The following EIF2AK2 variants were observed in gnomAD, a reference collection of about 807,000 sequenced individuals.
EIF2AK2 encodes the protein eukaryotic translation initiation factor 2 alpha kinase 2.
EIF2AK2 carries 40 observed loss-of-function variants against 70.5 expected under a neutral mutation model. That is an observed-to-expected ratio of 0.57 (90% CI 0.44 to 0.74). The LOEUF is 0.74. Among genes scored for constraint, EIF2AK2 ranks in the 30% least tolerant of loss-of-function variants. The pLI is 0.00. For synonymous variants in EIF2AK2, 198 were observed against 220.9 expected (o/e 0.90, Z 0.92); for missense variants, 555 against 644.3 (o/e 0.86, Z 1.50).
rs1042413512 is a variant in EIF2AK2, at chr2:37,115,221, T to G, written c.1249-362A>C. 38 of 190,652 alleles carry G rather than the reference T, an allele frequency of 2.0e-4. No homozygotes were observed. The Middle Eastern group carries it at 0.011, about 58-fold the overall frequency. 11.8% of individuals were successfully genotyped at this position (190,652 alleles called of 1,614,324 possible). A position where few individuals can be genotyped will look rare whatever the true frequency, so the allele number is the denominator to read the frequency against. The stretch of plus-strand genomic sequence containing the variant: ...CGCCACCATGCCCGGCTAGTTTTTT[T>G]TTTTTTTTTTTTTTTTTTTTTTAGT... On this transcript the variant is annotated intron_variant, in intron 13 of 16. Coordinates refer to ENST00000233057, the MANE Select transcript of EIF2AK2 (RefSeq NM_001135651.3).
At position 37,126,338 on chromosome 2, in the gene EIF2AK2, T is replaced by C; in HGVS notation, c.859A>G (p.Arg287Gly). Residue 287 changes from arginine to glycine, a missense_variant, in exon 11 of 17, where the codon AGA becomes GGA. Coordinates refer to ENST00000233057, the MANE Select transcript of EIF2AK2 (RefSeq NM_001135651.3). ...ATAACGTAAGTCTTTCCGTCAATTC[T>C]GTGTTTTGCTTTGAAAACTTGGCCA... ...GFGQVFKAKH[R>G]IDGKTYVIKR... The C allele has an allele frequency of 1.2e-6, 2 of 1,612,748 alleles. No homozygotes were observed. Among genetic ancestry groups the C allele is most frequent in the Non-Finnish European group, 1.7e-6 (2 of 1,179,434 alleles).
intron 1 of EIF2AK2, among the ~76,000 whole-genome samples, chr2:37,153,523 C>T (rs1452015643): frequency 6.6e-6 from 1 of 151,678 alleles, no homozygotes; most frequent in Non-Finnish European, 1.5e-5. Flanking sequence ...TTTCTAATCT[C>T]TCTTCTGTCT....
At chr2:37,145,604 T>A (rs1216540602) in intron 4 of EIF2AK2, among the ~76,000 whole-genome samples, 2 of 152,134 alleles carry the variant, frequency 1.3e-5, no homozygotes, top group Admixed American at 6.5e-5. Context: ...GTTTATAAAG[T>A]CTACAGTGGT....
rs537222130 is a variant in EIF2AK2, at chr2:37,099,399, C to T, written c.*7874G>A. The stretch of plus-strand genomic sequence containing the variant: ...CTGGTATACAAGAAGAACAGCTTGT[C>T]CCCACTCTTACAGTGTAATGAAATT... On this transcript the variant is annotated 3_prime_UTR_variant, in exon 17 of 17. Transcript: ENST00000233057. 9.2e-5 allele frequency: 14 copies of T among 152,284 alleles called. No homozygotes were observed. The highest frequency in any genetic ancestry group is 2.0e-4 in the Admixed American group (3 of 15,284). The allele number at this position is 152,284 out of a possible 1,614,324, so 9.4% of individuals were successfully genotyped here.
chr2:37,122,920 C>A (rs1674606237), intron 11 of EIF2AK2, among the ~76,000 whole-genome samples: 1 of 152,130 alleles, frequency 6.6e-6, no homozygotes, highest in Admixed American at 6.5e-5. Context: ...GTAATCCCAG[C>A]ACTTTGGGAG....
chr2:37,108,146 C>CAA (rs569711940), intron 15 of EIF2AK2, among the ~76,000 whole-genome samples: 28 of 117,074 alleles, frequency 2.4e-4, no homozygotes, highest in Non-Finnish European at 2.7e-4. Flanking sequence ...AACTCTATCT[C>CAA]AAAAAAAAAA....
At chr2:37,110,120 G>T (rs892949068) in intron 14 of EIF2AK2, among the ~76,000 whole-genome samples, 1 of 151,984 alleles carries the variant, frequency 6.6e-6, no homozygotes, top group Non-Finnish European at 1.5e-5. Flanking sequence ...CACCAGGCTG[G>T]AATGCAGTGG....
chr2:37,141,986 C>CA (rs1239425614), intron 4 of EIF2AK2, among the ~76,000 whole-genome samples: 3 of 152,006 alleles, frequency 2.0e-5, no homozygotes, highest in Non-Finnish European at 2.9e-5. Flanking sequence ...TTTCTAATCT[C>CA]AAAAAACAAG....
chr2:37,145,201 G>A (rs1478046332), intron 4 of EIF2AK2, among the ~76,000 whole-genome samples: 1 of 143,670 alleles, frequency 7.0e-6, no homozygotes, highest in Admixed American at 7.1e-5. Flanking sequence ...GGAATGTAGT[G>A]GCACGATCTC....
At chr2:37,126,743 A>G (rs181511153) in intron 10 of EIF2AK2, among the ~76,000 whole-genome samples, 2 of 152,036 alleles carry the variant, frequency 1.3e-5, no homozygotes, top group African/African-American at 4.8e-5. Context: ...GATCACCTGA[A>G]GTCAGGAGTT....
chr2:37,125,987 G>A (rs1674715834), intron 11 of EIF2AK2, among the ~76,000 whole-genome samples: 1 of 152,138 alleles, frequency 6.6e-6, no homozygotes. Flanking sequence ...TGGTGCCACG[G>A]TTTTTAAAAT....
chr2:37,118,267 T>C (rs546060518), intron 13 of EIF2AK2, among the ~76,000 whole-genome samples: 2 of 152,284 alleles, frequency 1.3e-5, no homozygotes, highest in Admixed American at 1.3e-4. Context: ...TGAGCCGTGA[T>C]TGTGCCACTG....
chr2:37,135,346 C>T, intron 10 of EIF2AK2, 138 bp downstream of exon 10: 1 of 692,582 alleles, frequency 1.4e-6, no homozygotes, highest in Non-Finnish European at 2.5e-6. Context: ...AAGCCTAAGA[C>T]TATTGTTCTT....
chr2:37,128,094 A>C (rs1320200104), intron 10 of EIF2AK2, among the ~76,000 whole-genome samples: 1 of 152,174 alleles, frequency 6.6e-6, no homozygotes, highest in African/African-American at 2.4e-5. Flanking sequence ...ACTCCATGAC[A>C]ACAGGGACCA....
intron 13 of EIF2AK2, among the ~76,000 whole-genome samples, chr2:37,115,460 A>G (rs1674309770): frequency 6.6e-6 from 1 of 152,010 alleles, no homozygotes; most frequent in South Asian, 2.1e-4. Context: ...TTCACTCTGC[A>G]TGGTCCAAGG....
intron 2 of EIF2AK2, 68 bp downstream of exon 2, chr2:37,148,789 G>A (rs2270414): frequency 0.49 from 400,111 of 817,614 alleles, 101,707 homozygotes; most frequent in East Asian, 0.8. Flanking sequence ...TAGCCCCCCA[G>A]AATTTGCATG....
intron 12 of EIF2AK2, 58 bp downstream of exon 12, chr2:37,122,448 T>C: frequency 6.4e-7 from 1 of 1,571,458 alleles, no homozygotes; most frequent in Non-Finnish European, 8.7e-7. Context: ...GGCCCATACA[T>C]AGTAAATAAC....
intron 1 of EIF2AK2, among the ~76,000 whole-genome samples, chr2:37,150,395 TTTAAA>T (rs1272627550): frequency 1.2e-4 from 18 of 152,344 alleles, no homozygotes; most frequent in African/African-American, 4.3e-4. Context: ...TTTTTAATGT[TTTAAA>T]TTACAGTGTA....
At chr2:37,135,692 G>C in intron 9 of EIF2AK2, 146 bp from the exon 10 acceptor site, 1 of 647,486 alleles carries the variant, frequency 1.5e-6, no homozygotes, top group Non-Finnish European at 2.6e-6. Context: ...GCAGTGGTGT[G>C]ATCATAGCTC....
Sources: gnomAD v4.1 joint callset for allele counts (sites outside exome capture counted in the v4.1 genomes callset) on GRCh38, gnomAD v4.1.1 for gene constraint, MANE v1.5 for transcripts, NCBI Gene and HGNC (gene_info 2026-07-23, HGNC 2026-07-21) for gene names.